Variants in ZNF433 observed in about 807,000 individuals in gnomAD.
The protein encoded by ZNF433 is zinc finger protein 433.
ZNF433 carries 12 observed loss-of-function variants against 10.6 expected under a neutral mutation model. That is an observed-to-expected ratio of 1.13 (90% CI 0.72 to 1.83). The LOEUF (loss-of-function observed/expected upper bound fraction) is 1.83. Ranked by LOEUF, ZNF433 falls within the 40% of genes most tolerant of loss-of-function variation. The probability of loss-of-function intolerance (pLI) is 0.00; values close to 1 mark genes in which losing one functional copy is unlikely to be tolerated. For missense variants in ZNF433, 737 were observed against 798.0 expected, an observed-to-expected ratio of 0.92 and a Z score of 0.92; for synonymous variants, 272 against 271.3, an observed-to-expected ratio of 1.00 and a Z score of -0.02.
intron 3 of ZNF433, among the ~76,000 whole-genome samples, chr19:12,017,588 A>G (rs1974272750): frequency 7.0e-6 from 1 of 142,706 alleles, no homozygotes; most frequent in African/African-American, 2.6e-5. Context: ...AGGGTCTCAC[A>G]CTCTTGCCCA....
At chr19:12,017,994 CAT>C (rs1974296318) in intron 2 of ZNF433, 58 bp from the exon 3 acceptor site, 4 of 1,375,118 alleles carry the variant, frequency 2.9e-6, no homozygotes, top group Non-Finnish European at 4.0e-6. Flanking sequence ...TAAAAAATTA[CAT>C]GATTCTATGT....
chr19:12,027,660 G>C (rs1369854929), intron 1 of ZNF433, among the ~76,000 whole-genome samples: 1 of 152,190 alleles, frequency 6.6e-6, no homozygotes, highest in Non-Finnish European at 1.5e-5. Flanking sequence ...CTGGCTTGCT[G>C]TCAATAAATG....
At chr19:12,021,607 A>T (rs144774941) in intron 1 of ZNF433, among the ~76,000 whole-genome samples, 8 of 152,344 alleles carry the variant, frequency 5.3e-5, no homozygotes, top group African/African-American at 1.9e-4. Context: ...TGTAATCTCC[A>T]TATTATAGTT....
At chr19:12,022,157 C>T (rs1974528822) in intron 1 of ZNF433, 2 of 404,570 alleles carry the variant, frequency 4.9e-6, no homozygotes, top group South Asian at 3.4e-5. Context: ...AACACCTGGC[C>T]CACCCAGGGT....
chr19:12,026,796 T>G (rs1009634472), intron 1 of ZNF433: 1 of 454,142 alleles, frequency 2.2e-6, no homozygotes, highest in East Asian at 6.9e-5. Flanking sequence ...ATGTTTAGCT[T>G]GAATTGCACC....
At chr19:12,021,995 A>G (rs1391195168) in intron 1 of ZNF433, 15 of 456,448 alleles carry the variant, frequency 3.3e-5, no homozygotes, top group South Asian at 2.2e-4. Flanking sequence ...ACGCTGTGAT[A>G]GAGACTTAGG....
rs1341419908 is a variant in ZNF433, at chr19:12,015,227, G to C, written c.1631C>G (p.Ser544Ter). 6.2e-7 allele frequency: 1 copy of C among 1,613,588 alleles called. No individual in the cohort carries two copies. The highest frequency in any genetic ancestry group is 1.1e-5 in the South Asian group (1 of 91,048). ...KQCGKAFRSA[S>*]QLQIHGRTHT... The stretch of plus-strand genomic sequence containing the variant: ...AGTCCTTCCATGAATTTGAAGCTGT[G>C]AGGCAGATCTGAAGGCTTTTCCACA... The change falls in exon 4 of 4, where the codon TCA (serine) becomes TGA (stop). Residue 544 changes from serine (S) to a stop codon, truncating the protein, a stop_gained. Transcript: ENST00000550507. LOFTEE classifies it low-confidence loss of function (END_TRUNC).
In ZNF433 at chr19:12,015,028, AGT is replaced by A. The variant is rs1568326132; in HGVS notation, c.1828_1829del (p.Thr610TrpfsTer6). On this transcript the variant is annotated frameshift_variant, in exon 4 of 4. Coordinates refer to ENST00000550507, the MANE Select transcript of ZNF433 (RefSeq NM_001308348.2). LOFTEE classifies it low-confidence loss of function (END_TRUNC). ...GCTTACATTTATACGGTTTCTCTCC[AGT>A]GTGAGTCCTTCCATGCATTTGAAGT... Reference protein sequence around the residue: ...SRLQMHGRTHTGEKPYKCKQC... With the variant: ...SRLQMHGRTHXGEKPYKCKQC... 2 of 1,614,064 alleles carry A rather than the reference AGT, an allele frequency of 1.2e-6. No individual in the cohort carries two copies. The highest frequency in any genetic ancestry group is 8.5e-7 in the Non-Finnish European group (1 of 1,179,992).
chr19:12,033,528 AAAAC>A (rs1405379798), intron 1 of ZNF433, among the ~76,000 whole-genome samples: 1 of 151,042 alleles, frequency 6.6e-6, no homozygotes, highest in Non-Finnish European at 1.5e-5. Flanking sequence ...CAAAAAAACA[AAAAC>A]AAAAAACGGG....
intron 1 of ZNF433, among the ~76,000 whole-genome samples, chr19:12,031,276 T>A (rs1443464958): frequency 8.6e-6 from 1 of 116,264 alleles, no homozygotes; most frequent in African/African-American, 3.5e-5. Flanking sequence ...AGCTTGTTGA[T>A]AGAGTGAGAC....
intron 1 of ZNF433, chr19:12,024,056 G>T (rs1182215649): frequency 1.3e-5 from 2 of 152,030 alleles, no homozygotes; most frequent in African/African-American, 4.8e-5. Flanking sequence ...ATAGAACAAT[G>T]GCCGCTAAGT....
At chr19:12,023,983 G>A (rs2145442992) in intron 1 of ZNF433, 1 of 152,246 alleles carries the variant, frequency 6.6e-6, no homozygotes, top group Admixed American at 6.5e-5. Flanking sequence ...ATTTTTGATG[G>A]TGGCCATTGT....
chr19:12,015,581 T>C lies in ZNF433; in HGVS notation c.1277A>G (p.Lys426Arg). The C allele has an allele frequency of 6.2e-7, 1 of 1,614,050 alleles. No homozygotes were observed. The highest frequency in any genetic ancestry group is 1.3e-5 in the African/African-American group (1 of 75,006). Residue 426 changes from lysine (K) to arginine (R), a missense_variant, in exon 4 of 4, where the codon AAA becomes AGA. Coordinates refer to ENST00000550507, the MANE Select transcript of ZNF433 (RefSeq NM_001308348.2). ...EKPYECKQCGKAFRSASLLQT... is the reference protein window; with the variant it reads ...EKPYECKQCGRAFRSASLLQT... The stretch of plus-strand genomic sequence containing the variant: ...AAGGAGTGAGGCAGATCTGAAGGCT[T>C]TCCCACATTGCTTACACTCGTAAGG...
chr19:12,031,166 C>T (rs907995442), intron 1 of ZNF433, among the ~76,000 whole-genome samples: 5 of 151,796 alleles, frequency 3.3e-5, no homozygotes, highest in South Asian at 2.1e-4. Flanking sequence ...TGTGGTAGTG[C>T]GTGCCTGTAG....
chr19:12,018,803 T>C (rs1259341349), intron 1 of ZNF433: 1 of 152,200 alleles, frequency 6.6e-6, no homozygotes, highest in East Asian at 1.9e-4. Flanking sequence ...GAGTCATAAA[T>C]AACTAAAACA....
intron 1 of ZNF433, chr19:12,023,320 T>G (rs1354116901): frequency 6.6e-6 from 1 of 152,156 alleles, no homozygotes; most frequent in Non-Finnish European, 1.5e-5. Context: ...AGTTTAAATT[T>G]AAAAGGAGTG....
intron 1 of ZNF433, chr19:12,025,373 G>C (rs569040759): frequency 2.4e-4 from 37 of 152,250 alleles, no homozygotes; most frequent in Non-Finnish European, 4.6e-4. Context: ...CTCACACTAG[G>C]GCTCATACAC....
intron 1 of ZNF433, chr19:12,030,111 C>T (rs1235084311): frequency 1.6e-5 from 6 of 381,104 alleles, no homozygotes; most frequent in South Asian, 1.2e-4. Context: ...AAAAAATAGC[C>T]ATCTGCAAAC....
chr19:12,022,043 C>T, intron 1 of ZNF433: 2 of 454,600 alleles, frequency 4.4e-6, no homozygotes, highest in South Asian at 3.1e-5. Context: ...CATAAACTGG[C>T]TCCAAAACTG....
Sources: allele counts gnomAD v4.1 joint callset (sites outside exome capture counted in the v4.1 genomes callset), GRCh38; gene constraint gnomAD v4.1.1; transcripts MANE v1.5; gene names NCBI Gene and HGNC (gene_info 2026-07-23, HGNC 2026-07-21).